Variants in PHF24 observed in about 807,000 individuals in gnomAD.
PHF24 encodes PHD finger protein 24.
Under a neutral mutation model 42.6 loss-of-function variants are expected in PHF24, and 25 were observed. The ratio of observed to expected loss-of-function variants is 0.59; its 90% CI spans 0.43 to 0.82. The LOEUF (loss-of-function observed/expected upper bound fraction) is 0.82. Ranked by LOEUF, PHF24 falls within the 40% of genes least tolerant of loss-of-function variation. The pLI is 0.00. For synonymous variants in PHF24, 185 were observed against 204.8 expected (o/e 0.90, Z 0.83); for missense variants, 470 against 538.1 (o/e 0.87, Z 1.25).
At chr9:34,832,850 G>A in the PHF24 span, 7 of 1,551,664 alleles carry the variant, frequency 4.5e-6, no homozygotes, top group South Asian at 4.8e-5. Context: ...AATTGTTGCT[G>A]GTTCAAGGAT....
chr9:34,847,330 G>T, the PHF24 span, among the ~76,000 whole-genome samples: 1 of 151,944 alleles, frequency 6.6e-6, no homozygotes, highest in East Asian at 1.9e-4. Flanking sequence ...CTTGTAAGTT[G>T]GATTCCTAGG....
the PHF24 span, among the ~76,000 whole-genome samples, chr9:34,905,058 A>G: frequency 1.3e-5 from 2 of 152,090 alleles, no homozygotes; most frequent in Non-Finnish European, 1.5e-5. Flanking sequence ...AAATTAGTAA[A>G]TTAGCATTCT....
chr9:34,723,639 G>T, the PHF24 span: 1 of 1,551,656 alleles, frequency 6.4e-7, no homozygotes, highest in South Asian at 1.2e-5. Context: ...GGCTTCTTTT[G>T]AGCATGGACT....
At chr9:34,893,133 CCTG>C in the PHF24 span, 1 of 718,602 alleles carries the variant, frequency 1.4e-6, no homozygotes, top group Non-Finnish European at 2.1e-6. Flanking sequence ...ACACTTCCTT[CCTG>C]AGGAAGCCAG....
chr9:34,921,278 C>A, the PHF24 span, among the ~76,000 whole-genome samples: 1 of 150,224 alleles, frequency 6.7e-6, no homozygotes, highest in African/African-American at 2.5e-5. Flanking sequence ...TTTCATAAGA[C>A]ATTAAACAAA....
the PHF24 span, among the ~76,000 whole-genome samples, chr9:34,841,683 C>A: frequency 6.6e-6 from 1 of 152,062 alleles, no homozygotes; most frequent in Non-Finnish European, 1.5e-5. Flanking sequence ...CATGGTGAAA[C>A]CCTGTCTCTA....
chr9:34,971,956 C>T (rs961826482), intron 2 of PHF24, among the ~76,000 whole-genome samples: 3 of 152,122 alleles, frequency 2.0e-5, no homozygotes, highest in Non-Finnish European at 4.4e-5. Flanking sequence ...ATGGATAGTA[C>T]TACACCCTGC....
intron 3 of PHF24, among the ~76,000 whole-genome samples, chr9:34,972,791 G>A (rs7849003): frequency 0.038 from 5,766 of 151,836 alleles, 285 homozygotes; most frequent in African/African-American, 0.11. Context: ...GCACGCGCCT[G>A]TAGTCCCAGC....
At chr9:34,728,603 C>G in the PHF24 span, 27 of 1,550,248 alleles carry the variant, frequency 1.7e-5, 1 homozygote, top group East Asian at 5.6e-4. Context: ...GAGATTGGGA[C>G]TTTACCTGTT....
At chr9:34,913,386 TAGG>T in the PHF24 span, among the ~76,000 whole-genome samples, 1 of 152,166 alleles carries the variant, frequency 6.6e-6, no homozygotes, top group African/African-American at 2.4e-5. Context: ...TGCCCTAACA[TAGG>T]AGGAAATTGC....
the PHF24 span, among the ~76,000 whole-genome samples, chr9:34,846,501 C>G: frequency 6.6e-6 from 1 of 151,664 alleles, no homozygotes; most frequent in Non-Finnish European, 1.5e-5. Flanking sequence ...GGATATTAGC[C>G]CTTTGTCAGA....
At chr9:34,956,732 G>T (rs1587452951), upstream of PHF24, among the ~76,000 whole-genome samples, 1 of 152,190 alleles carries the variant, frequency 6.6e-6, no homozygotes, top group South Asian at 2.1e-4. Context: ...AAGAAAGTTA[G>T]GGGGGGACCC....
chr9:34,898,339 G>GT, the PHF24 span, among the ~76,000 whole-genome samples: 2 of 152,118 alleles, frequency 1.3e-5, no homozygotes, highest in Non-Finnish European at 2.9e-5. Flanking sequence ...AACATCTACT[G>GT]TTTTTTTATT....
the PHF24 span, among the ~76,000 whole-genome samples, chr9:34,766,524 G>A: frequency 2.0e-5 from 3 of 152,072 alleles, no homozygotes; most frequent in Admixed American, 2.0e-4. Context: ...TCTTCACATA[G>A]TTCTCGAGCC....
chr9:34,941,457 G>A, the PHF24 span, among the ~76,000 whole-genome samples: 1 of 152,180 alleles, frequency 6.6e-6, no homozygotes, highest in African/African-American at 2.4e-5. Context: ...GAATAGTGAT[G>A]CTGGCTAAGG....
At chr9:34,696,486 C>CAAA in the PHF24 span, among the ~76,000 whole-genome samples, 1 of 92,610 alleles carries the variant, frequency 1.1e-5, no homozygotes, top group African/African-American at 4.2e-5. Flanking sequence ...GACTCCATCT[C>CAAA]AAAAAAAAAA....
chr9:34,877,064 CT>C, the PHF24 span, among the ~76,000 whole-genome samples: 1 of 152,054 alleles, frequency 6.6e-6, no homozygotes, highest in South Asian at 2.1e-4. Flanking sequence ...GGCAGATCAC[CT>C]GAGGTCAGGC....
the PHF24 span, among the ~76,000 whole-genome samples, chr9:34,702,377 A>G: frequency 6.6e-6 from 1 of 152,154 alleles, no homozygotes; most frequent in African/African-American, 2.4e-5. Context: ...TCCGAGCAGA[A>G]GCTGGCGCTG....
chr9:34,702,254 T>G, the PHF24 span, among the ~76,000 whole-genome samples: 1 of 152,088 alleles, frequency 6.6e-6, no homozygotes, highest in Non-Finnish European at 1.5e-5. Context: ...AATGGAAAAT[T>G]CAACCCCCAC....
Sources: allele counts gnomAD v4.1 joint callset (sites outside exome capture counted in the v4.1 genomes callset), GRCh38; gene constraint gnomAD v4.1.1; transcripts MANE v1.5; gene names NCBI Gene and HGNC (gene_info 2026-07-23, HGNC 2026-07-21).